TMEM120B: variants seen among roughly 807,000 people sequenced by gnomAD.
TMEM120B encodes transmembrane protein 120B.
Under a neutral mutation model 55.5 loss-of-function variants are expected in TMEM120B, and 31 were observed. The ratio of observed to expected loss-of-function variants is 0.56; its 90% confidence interval spans 0.42 to 0.75. The LOEUF is 0.75. TMEM120B is among the 30% of genes least tolerant of loss of function. The probability of loss-of-function intolerance (pLI) is 0.00; values close to 1 mark genes in which losing one functional copy is unlikely to be tolerated. For missense variants in TMEM120B, 399 were observed against 425.5 expected, an observed-to-expected ratio of 0.94 and a Z score of 0.55; for synonymous variants, 203 against 176.3, an observed-to-expected ratio of 1.15 and a Z score of -1.20.
chr12:121,759,805 T>G (rs1873610995), intron 5 of TMEM120B, among the ~76,000 whole-genome samples: 1 of 152,096 alleles, frequency 6.6e-6, no homozygotes, highest in African/African-American at 2.4e-5. Flanking sequence ...GATACCAGCC[T>G]GGCCAACATG....
At chr12:121,765,216 G>A (rs757816924) in intron 6 of TMEM120B, among the ~76,000 whole-genome samples, 6 of 143,012 alleles carry the variant, frequency 4.2e-5, no homozygotes, top group East Asian at 2.2e-4. Context: ...TGCAGCCTCC[G>A]CCTCCTGGGT....
intron 6 of TMEM120B, 70 bp from the exon 7 acceptor site, chr12:121,770,837 G>A (rs1874018537): frequency 2.1e-6 from 3 of 1,418,388 alleles, no homozygotes; most frequent in Non-Finnish European, 3.0e-6. Context: ...GCATAGGTGG[G>A]GCCTCAGCGA....
intron 1 of TMEM120B, among the ~76,000 whole-genome samples, chr12:121,723,699 G>A (rs1400804777): frequency 1.3e-5 from 2 of 152,156 alleles, no homozygotes; most frequent in African/African-American, 4.8e-5. Flanking sequence ...GGTGGGCATG[G>A]GTTGAGGAAA....
chr12:121,780,373 AATGGTT>A lies in TMEM120B; in HGVS notation c.*4654_*4659del. On this transcript the variant is annotated 3_prime_UTR_variant, in exon 12 of 12. Transcript: ENST00000449592. ...ATGCCCGGCCGGATTTGCCCTTATT[AATGGTT>A]ATTTCTTGTGAAAGTTTCTTTTTGC... 5.9e-6 allele frequency: 1 copy of A among 170,420 alleles called. No individual in the cohort carries two copies. The highest frequency in any genetic ancestry group is 6.0e-5 in the Admixed American group (1 of 16,740). The allele number at this position is 170,420 out of a possible 1,614,324, so 10.6% of individuals were successfully genotyped here.
intron 6 of TMEM120B, among the ~76,000 whole-genome samples, chr12:121,769,309 T>C (rs1477335433): frequency 4.6e-5 from 7 of 152,162 alleles, no homozygotes; most frequent in African/African-American, 1.4e-4. Context: ...CTGGGGCATG[T>C]AGCTCCTGGG....
chr12:121,752,780 G>A (rs1566518198), intron 5 of TMEM120B, among the ~76,000 whole-genome samples: 1 of 151,784 alleles, frequency 6.6e-6, no homozygotes, highest in Non-Finnish European at 1.5e-5. Flanking sequence ...TGGTCTATCT[G>A]TACAGTGGCA....
Position 121,781,226 on chromosome 12 carries a change from T to C in TMEM120B, c.*5504T>C, listed in dbSNP as rs1308679700. 3 of 1,589,980 alleles carry C rather than the reference T, an allele frequency of 1.9e-6. No individual in the cohort carries two copies. Among genetic ancestry groups the C allele is most frequent in the Non-Finnish European group, 2.6e-6 (3 of 1,159,204 alleles). The stretch of plus-strand genomic sequence containing the variant: ...ACAGAGCAGCGGGGGTCAGGGGACG[T>C]CCCCTCCCTGTCTGGACTCTGACGG... On this transcript the variant is annotated 3_prime_UTR_variant, in exon 12 of 12. Transcript: ENST00000449592.
chr12:121,727,743 A>G (rs1014289175), intron 1 of TMEM120B, among the ~76,000 whole-genome samples: 1 of 149,446 alleles, frequency 6.7e-6, no homozygotes, highest in Non-Finnish European at 1.5e-5. Context: ...GCGTGGTGGC[A>G]GGCGCCAGTA....
intron 1 of TMEM120B, among the ~76,000 whole-genome samples, chr12:121,724,979 C>T (rs1023616514): frequency 6.6e-6 from 1 of 152,120 alleles, no homozygotes; most frequent in Non-Finnish European, 1.5e-5. Flanking sequence ...GTGGTTAGGA[C>T]CATGCAAATA....
At chr12:121,741,693 C>T (rs1872937513) in intron 1 of TMEM120B, among the ~76,000 whole-genome samples, 1 of 152,084 alleles carries the variant, frequency 6.6e-6, no homozygotes, top group Non-Finnish European at 1.5e-5. Context: ...AGTGCAGTGG[C>T]ATAATCTCAG....
At chr12:121,772,085 TTCTCTCTCTCTCTCTTTCTCTCTTTCTC>T (rs1874078002) in intron 8 of TMEM120B, among the ~76,000 whole-genome samples, 2 of 141,680 alleles carry the variant, frequency 1.4e-5, no homozygotes, top group Admixed American at 6.9e-5. Context: ...TTCTTTCTCT[TTCTCTCTCTCTCTCTTTCTCTCTTTCTC>T]TCTCTCTCTC....
In TMEM120B at chr12:121,779,204, C is replaced by T. The variant is rs370520723; in HGVS notation, c.*3482C>T. 9.3e-5 allele frequency: 43 copies of T among 464,846 alleles called. No individual in the cohort carries two copies. The South Asian group carries it at 1.0e-3, about 11-fold the overall frequency. 28.8% of individuals were successfully genotyped at this position (464,846 alleles called of 1,614,324 possible). ...TCATTTCAAGCATAACTTGAGTCTG[C>T]ACTGGGGAGACACTCGTGGTGGGGG... On this transcript the variant is annotated 3_prime_UTR_variant, in exon 12 of 12. Transcript: ENST00000449592.
rs1874246739 is a variant in TMEM120B, at chr12:121,776,308, C to T, written c.*586C>T. 6.1e-6 allele frequency: 1 copy of T among 165,106 alleles called. No homozygotes were observed. Among genetic ancestry groups the T allele is most frequent in the South Asian group, 1.9e-4 (1 of 5,400 alleles). 10.2% of individuals were successfully genotyped at this position (165,106 alleles called of 1,614,324 possible). On this transcript the variant is annotated 3_prime_UTR_variant, in exon 12 of 12. Transcript: ENST00000449592. ...CTGGAGCGCTGGGGGCATCCTGAGT[C>T]AGGCTGTGAGAAGATTCGCCACCAG...
intron 1 of TMEM120B, among the ~76,000 whole-genome samples, chr12:121,736,328 T>G (rs894345618): frequency 5.8e-5 from 6 of 103,444 alleles, no homozygotes; most frequent in Admixed American, 9.1e-5. Flanking sequence ...TTGTTTGGTG[T>G]TTTTTTTTTT....
At chr12:121,756,506 C>T (rs543612023) in intron 5 of TMEM120B, among the ~76,000 whole-genome samples, 1 of 152,268 alleles carries the variant, frequency 6.6e-6, no homozygotes, top group African/African-American at 2.4e-5. Context: ...TGTCCTTGAC[C>T]CCAACAGGGA....
rs1253073157 is a variant in TMEM120B at position 121,779,419 on chromosome 12, TG to T, written c.*3701del. 6 of 1,498,444 alleles carry T rather than the reference TG, an allele frequency of 4.0e-6. 1 individual carries two copies. In the South Asian group the frequency reaches 7.0e-5, roughly 18 times the overall value. 92.8% of individuals were successfully genotyped at this position (1,498,444 alleles called of 1,614,324 possible). On this transcript the variant is annotated 3_prime_UTR_variant, in exon 12 of 12. Transcript: ENST00000449592. Reference sequence around the variant, plus strand: ...GACACCATGAGCTGGAGGGTCGGGATGGGGCAGCCTCCCTGGTGCAATCGGC... The same window carrying T: ...GACACCATGAGCTGGAGGGTCGGGATGGGCAGCCTCCCTGGTGCAATCGGC...
intron 1 of TMEM120B, among the ~76,000 whole-genome samples, chr12:121,742,891 T>C (rs1872975480): frequency 6.6e-6 from 1 of 152,218 alleles, no homozygotes; most frequent in South Asian, 2.1e-4. Flanking sequence ...TTGTTTTTAA[T>C]GTCATGGTCT....
Position 121,781,228 on chromosome 12 carries a change from C to G in TMEM120B, c.*5506C>G, listed in dbSNP as rs749433185. ...AGAGCAGCGGGGGTCAGGGGACGTC[C>G]CCTCCCTGTCTGGACTCTGACGGGT... On this transcript the variant is annotated 3_prime_UTR_variant, in exon 12 of 12. Transcript: ENST00000449592. The G allele has an allele frequency of 1.3e-6, 2 of 1,588,262 alleles. No homozygotes were observed. The highest frequency in any genetic ancestry group is 1.7e-6 in the Non-Finnish European group (2 of 1,157,666).
intron 1 of TMEM120B, among the ~76,000 whole-genome samples, chr12:121,726,196 A>G (rs1894887803): frequency 6.6e-6 from 1 of 152,116 alleles, no homozygotes; most frequent in Non-Finnish European, 1.5e-5. Context: ...ATGGTTGTAC[A>G]ACCTGGTAAA....
Sources: gnomAD v4.1 joint callset for allele counts (sites outside exome capture counted in the v4.1 genomes callset) on GRCh38, gnomAD v4.1.1 for gene constraint, MANE v1.5 for transcripts, NCBI Gene and HGNC (gene_info 2026-07-23, HGNC 2026-07-21) for gene names.